Variants in C5orf46 observed in about 807,000 individuals in gnomAD.
The protein encoded by C5orf46 is chromosome 5 open reading frame 46, also known as uncharacterized protein C5orf46.
Under a neutral mutation model 8.9 loss-of-function variants are expected in C5orf46, and 9 were observed. The observed-to-expected ratio is 1.01, with a 90% CI of 0.61 to 1.76. The LOEUF is 1.76. C5orf46 is among the 40% of genes most tolerant of loss of function. C5orf46 has a pLI of 0.00. For missense variants in C5orf46, 98 were observed against 107.8 expected (o/e 0.91, Z 0.40); for synonymous variants, 47 against 41.4 (o/e 1.14, Z -0.52).
chr5:147,891,067 G>A (rs1247641254), downstream of C5orf46, among the ~76,000 whole-genome samples: 3 of 152,118 alleles, frequency 2.0e-5, no homozygotes, highest in Non-Finnish European at 4.4e-5. Context: ...CATGTCACAG[G>A]GGAATTCTCT....
At chr5:147,902,000 A>G (rs190198063) in intron 1 of C5orf46, among the ~76,000 whole-genome samples, 96 of 152,342 alleles carry the variant, frequency 6.3e-4, no homozygotes, top group African/African-American at 2.3e-3. Context: ...ATACTTAGGT[A>G]GACACTGGCA....
At chr5:147,904,796 T>A (rs1253339993) in intron 1 of C5orf46, among the ~76,000 whole-genome samples, 1 of 151,248 alleles carries the variant, frequency 6.6e-6, no homozygotes, top group Non-Finnish European at 1.5e-5. Flanking sequence ...TCATATGTTG[T>A]CAGGATTGAA....
At chr5:147,888,406 C>T (rs1757453207), downstream of C5orf46, among the ~76,000 whole-genome samples, 1 of 152,178 alleles carries the variant, frequency 6.6e-6, no homozygotes, top group African/African-American at 2.4e-5. Flanking sequence ...AGAATAAAAT[C>T]CTGACCATAA....
chr5:147,889,494 T>C (rs1354817223), downstream of C5orf46, among the ~76,000 whole-genome samples: 1 of 152,162 alleles, frequency 6.6e-6, no homozygotes, highest in African/African-American at 2.4e-5. Context: ...TTTTTGGATC[T>C]AAATTTTGAA....
In C5orf46 at chr5:147,895,402, T is replaced by C. The variant is rs564812841; in HGVS notation, c.*9+1582A>G. Among the ~76,000 whole-genome samples, 10 of 152,320 alleles carry C rather than the reference T, an allele frequency of 6.6e-5. No homozygotes were observed. In the South Asian group the frequency reaches 2.1e-3, roughly 32 times the overall value. ...AGGGCATCTTAGGTTGGTTCATGCA[T>C]CAATTCCAAGTTTTTCATGTGCAGT... On this transcript the variant is annotated intron_variant, in intron 3 of 3. Coordinates refer to ENST00000318315, the MANE Select transcript of C5orf46 (RefSeq NM_206966.3).
At chr5:147,900,300 G>A (rs887718714) in intron 2 of C5orf46, among the ~76,000 whole-genome samples, 1 of 152,066 alleles carries the variant, frequency 6.6e-6, no homozygotes, top group Non-Finnish European at 1.5e-5. Context: ...GAGAAGGATT[G>A]CCTGTAGAAC....
chr5:147,891,800 T>A (rs1389796920), downstream of C5orf46, among the ~76,000 whole-genome samples: 1 of 152,178 alleles, frequency 6.6e-6, no homozygotes, highest in East Asian at 1.9e-4. Context: ...CCCTAGAAAA[T>A]GCAGAGTGTG....
At chr5:147,887,409 T>C (rs984638389) in intron 2 of C5orf46, 4 of 152,150 alleles carry the variant, frequency 2.6e-5, no homozygotes, top group Admixed American at 2.6e-4. Flanking sequence ...CATTGTTAAA[T>C]GGTGCATTCT....
downstream of C5orf46, among the ~76,000 whole-genome samples, chr5:147,888,692 C>G (rs1322817219): frequency 6.6e-6 from 1 of 152,106 alleles, no homozygotes; most frequent in Non-Finnish European, 1.5e-5. Context: ...CCAAGAGAAC[C>G]ATCTTCCTTC....
chr5:147,894,428 G>A (rs547795201), intron 3 of C5orf46, among the ~76,000 whole-genome samples: 3 of 152,118 alleles, frequency 2.0e-5, no homozygotes, highest in African/African-American at 7.2e-5. Context: ...CCAGGTATTC[G>A]GTTATTGGAT....
intron 2 of C5orf46, among the ~76,000 whole-genome samples, chr5:147,898,387 G>A (rs1300600035): frequency 2.0e-5 from 3 of 152,060 alleles, no homozygotes; most frequent in Non-Finnish European, 4.4e-5. Flanking sequence ...TTAGATTTCT[G>A]GATTCTGGGT....
intron 3 of C5orf46, among the ~76,000 whole-genome samples, chr5:147,894,904 A>C (rs1757557673): frequency 1.3e-5 from 2 of 151,884 alleles, no homozygotes; most frequent in African/African-American, 4.8e-5. Flanking sequence ...ACTAAAGGAA[A>C]ATACAAAAAT....
intron 2 of C5orf46, chr5:147,887,308 T>G (rs554563116): frequency 6.6e-6 from 1 of 152,266 alleles, no homozygotes; most frequent in South Asian, 2.1e-4. Flanking sequence ...GCACCTTCTA[T>G]TGCATTAAAT....
At chr5:147,888,994 T>C (rs1757461492), downstream of C5orf46, among the ~76,000 whole-genome samples, 1 of 152,154 alleles carries the variant, frequency 6.6e-6, no homozygotes, top group Non-Finnish European at 1.5e-5. Context: ...CAATGTCCAT[T>C]AGCATTTTTT....
At position 147,906,462 on chromosome 5, in the gene C5orf46, G is replaced by A; in HGVS notation, c.40C>T (p.Leu14=). The A allele has an allele frequency of 6.2e-7, 1 of 1,611,626 alleles. No individual in the cohort carries two copies. Among genetic ancestry groups the A allele is most frequent in the Non-Finnish European group, 8.5e-7 (1 of 1,178,568 alleles). Residue 14 remains leucine (L), a synonymous_variant, in exon 1 of 4, where the codon CTG becomes TTG. Coordinates refer to ENST00000318315, the MANE Select transcript of C5orf46 (RefSeq NM_206966.3). ...SVLRLTVVLG[L]LVLFLTCYAD... is the part of the protein sequence containing the mutation. ...TAGCAGGTCAGGAATAAGACAAGCA[G>A]TCCCAGGACAACTGTCAGGCGAAGT...
Position 147,906,488 on chromosome 5 carries a change from A to C in C5orf46, c.14T>G (p.Val5Gly). The C allele has an allele frequency of 6.2e-7, 1 of 1,611,846 alleles. No homozygotes were observed. The highest frequency in any genetic ancestry group is 8.5e-7 in the Non-Finnish European group (1 of 1,178,596). Residue 5 changes from valine (V) to glycine (G), a missense_variant, in exon 1 of 4, where the codon GTA (valine) becomes GGA (glycine). Transcript: ENST00000318315. MAVS[V>G]LRLTVVLGLL... Reference sequence around the variant, plus strand: ...TCCCAGGACAACTGTCAGGCGAAGTACTGAGACAGCCATTCTGGTAGCACG... The same window carrying C: ...TCCCAGGACAACTGTCAGGCGAAGTCCTGAGACAGCCATTCTGGTAGCACG...
At chr5:147,888,772 C>G (rs1395116678), downstream of C5orf46, among the ~76,000 whole-genome samples, 1 of 152,112 alleles carries the variant, frequency 6.6e-6, no homozygotes, top group Non-Finnish European at 1.5e-5. Flanking sequence ...TTTTGTATCT[C>G]CCACTTATTT....
At chr5:147,899,133 C>T (rs993885932) in intron 2 of C5orf46, among the ~76,000 whole-genome samples, 1 of 152,146 alleles carries the variant, frequency 6.6e-6, no homozygotes, top group Non-Finnish European at 1.5e-5. Context: ...GAACTCCTTT[C>T]GCTGGAAACT....
chr5:147,897,584 A>T (rs1757603331), intron 2 of C5orf46, among the ~76,000 whole-genome samples: 1 of 152,212 alleles, frequency 6.6e-6, no homozygotes. Flanking sequence ...AAAGATAACT[A>T]AAATATGGTT....
Sources: allele counts gnomAD v4.1 joint callset (sites outside exome capture counted in the v4.1 genomes callset), GRCh38; gene constraint gnomAD v4.1.1; transcripts MANE v1.5; gene names NCBI Gene and HGNC (gene_info 2026-07-23, HGNC 2026-07-21).